The following MAGI2 variants were observed in gnomAD, a reference collection of about 807,000 sequenced individuals.
The protein encoded by MAGI2 is membrane-associated guanylate kinase, WW and PDZ domain-containing protein 2.
Under a neutral mutation model 133.3 loss-of-function variants are expected in MAGI2, and 35 were observed. The ratio of observed to expected loss-of-function variants is 0.26; its 90% CI spans 0.20 to 0.35. MAGI2 has a LOEUF of 0.35. Among genes scored for constraint, MAGI2 ranks in the 10% least tolerant of loss-of-function variants. The pLI, the probability that MAGI2 is intolerant of heterozygous loss-of-function variation, is 1.00. For missense variants in MAGI2, 1,636 were observed against 1,863.4 expected, an observed-to-expected ratio of 0.88 and a Z score of 2.25; for synonymous variants, 729 against 710.6, an observed-to-expected ratio of 1.03 and a Z score of -0.41.
chr7:78,527,421 C>T (rs888771888), intron 3 of MAGI2, among the ~76,000 whole-genome samples: 5 of 152,152 alleles, frequency 3.3e-5, no homozygotes, highest in African/African-American at 1.2e-4. Context: ...TCTTCTGATT[C>T]CTCTCAGATT....
chr7:79,407,416 A>G (rs1040570708), intron 1 of MAGI2, among the ~76,000 whole-genome samples: 9 of 152,084 alleles, frequency 5.9e-5, no homozygotes, highest in African/African-American at 2.2e-4. Flanking sequence ...TTCCCTTTCT[A>G]GCATCCAGAT....
chr7:78,723,872 G>A (rs1820506722), intron 2 of MAGI2, among the ~76,000 whole-genome samples: 2 of 152,132 alleles, frequency 1.3e-5, no homozygotes, highest in African/African-American at 4.8e-5. Flanking sequence ...AGGAGGTAAG[G>A]TTGCTGGGGA....
chr7:78,829,806 T>C (rs1790985954), intron 2 of MAGI2, among the ~76,000 whole-genome samples: 1 of 152,110 alleles, frequency 6.6e-6, no homozygotes, highest in South Asian at 2.1e-4. Flanking sequence ...ACAAAATTGA[T>C]ATTTCTTCAT....
At chr7:78,634,892 T>G (rs2150973594) in intron 2 of MAGI2, among the ~76,000 whole-genome samples, 1 of 152,250 alleles carries the variant, frequency 6.6e-6, no homozygotes, top group Non-Finnish European at 1.5e-5. Flanking sequence ...CCAAAATAAG[T>G]TTTATTATCC....
intron 1 of MAGI2, among the ~76,000 whole-genome samples, chr7:79,207,892 G>A (rs1046557095): frequency 1.3e-5 from 2 of 151,760 alleles, no homozygotes; most frequent in Non-Finnish European, 2.9e-5. Context: ...ACACATTTAC[G>A]GCCAACTTAA....
chr7:78,917,984 C>A (rs1798930753), intron 2 of MAGI2, among the ~76,000 whole-genome samples: 2 of 152,118 alleles, frequency 1.3e-5, no homozygotes, highest in South Asian at 2.1e-4. Context: ...CCCAGAAACT[C>A]TCCAAATCTC....
chr7:79,297,094 C>G (rs918384515), intron 1 of MAGI2, among the ~76,000 whole-genome samples: 1 of 152,160 alleles, frequency 6.6e-6, no homozygotes, highest in Non-Finnish European at 1.5e-5. Context: ...CGGAGTCATT[C>G]AGTCATGCCA....
intron 2 of MAGI2, among the ~76,000 whole-genome samples, chr7:78,642,483 A>C (rs1323731427): frequency 6.6e-6 from 1 of 152,204 alleles, no homozygotes; most frequent in Non-Finnish European, 1.5e-5. Flanking sequence ...CTATGTGCTA[A>C]TTTTTAATAT....
chr7:78,426,823 C>T (rs1001421648), intron 6 of MAGI2, among the ~76,000 whole-genome samples: 4 of 152,042 alleles, frequency 2.6e-5, no homozygotes, highest in African/African-American at 9.7e-5. Context: ...AACCTAGGCA[C>T]ATGATGATTA....
chr7:78,709,271 A>G (rs1818943335), intron 2 of MAGI2, among the ~76,000 whole-genome samples: 1 of 151,102 alleles, frequency 6.6e-6, no homozygotes, highest in Admixed American at 6.6e-5. Context: ...CCCCACCTGC[A>G]ACATACACAC....
intron 9 of MAGI2, among the ~76,000 whole-genome samples, chr7:78,336,619 G>A (rs967554532): frequency 6.6e-6 from 1 of 152,138 alleles, no homozygotes; most frequent in African/African-American, 2.4e-5. Flanking sequence ...TAGCTACTTG[G>A]GAGGCTGAGG....
chr7:78,030,713 A>T (rs1809481824), intron 21 of MAGI2, among the ~76,000 whole-genome samples: 1 of 152,230 alleles, frequency 6.6e-6, no homozygotes, highest in Non-Finnish European at 1.5e-5. Context: ...ATAATTAAAC[A>T]ACAGTGACAC....
chr7:79,346,583 C>T (rs1365763931), intron 1 of MAGI2, among the ~76,000 whole-genome samples: 1 of 151,920 alleles, frequency 6.6e-6, no homozygotes, highest in Non-Finnish European at 1.5e-5. Flanking sequence ...CTGTACTGCC[C>T]TCTGTACTGA....
chr7:78,773,188 A>G (rs1023345834), intron 2 of MAGI2, among the ~76,000 whole-genome samples: 1 of 152,210 alleles, frequency 6.6e-6, no homozygotes, highest in Non-Finnish European at 1.5e-5. Context: ...TATCCAATAC[A>G]GACACAACTT....
chr7:78,892,595 T>A (rs180709393), intron 2 of MAGI2, among the ~76,000 whole-genome samples: 1 of 152,200 alleles, frequency 6.6e-6, no homozygotes, highest in Non-Finnish European at 1.5e-5. Context: ...AACCATTGGA[T>A]CTTTGACAAG....
chr7:78,732,772 G>A (rs989692377), intron 2 of MAGI2, among the ~76,000 whole-genome samples: 14 of 144,310 alleles, frequency 9.7e-5, no homozygotes, highest in Admixed American at 3.6e-4. Context: ...TAGAATCATA[G>A]GTGATGTTTT....
At chr7:78,591,324 T>C (rs1444616183) in intron 3 of MAGI2, among the ~76,000 whole-genome samples, 1 of 152,154 alleles carries the variant, frequency 6.6e-6, no homozygotes, top group African/African-American at 2.4e-5. Context: ...CCTACAGCAA[T>C]AAACAAGAGC....
chr7:78,762,479 G>GA (rs370959861), intron 2 of MAGI2, among the ~76,000 whole-genome samples: 80 of 148,286 alleles, frequency 5.4e-4, no homozygotes, highest in South Asian at 1.7e-3. Context: ...ACAAAGAAAA[G>GA]AAAAAAAAAC....
intron 1 of MAGI2, among the ~76,000 whole-genome samples, chr7:79,367,856 G>GACACACACACACAGACAC: frequency 1.4e-5 from 1 of 70,034 alleles, no homozygotes; most frequent in South Asian, 4.4e-4. Flanking sequence ...TTATATATGT[G>GACACACACACACAGACAC]ACATATATAT....
Sources: gnomAD v4.1 joint callset for allele counts (sites outside exome capture counted in the v4.1 genomes callset) on GRCh38, gnomAD v4.1.1 for gene constraint, MANE v1.5 for transcripts, NCBI Gene and HGNC (gene_info 2026-07-23, HGNC 2026-07-21) for gene names.